Variants in NCAPH observed in about 807,000 individuals in gnomAD.
NCAPH encodes condensin complex subunit 2.
In NCAPH, 38 loss-of-function variants were observed where a neutral mutation model predicts 85.5. That is an observed-to-expected ratio of 0.44 (90% confidence interval 0.34 to 0.58). The LOEUF is 0.58. NCAPH is among the 20% of genes least tolerant of loss of function. The pLI, the probability that NCAPH is intolerant of heterozygous loss-of-function variation, is 0.01. For missense variants in NCAPH, 789 were observed against 916.6 expected (o/e 0.86, Z 1.80); for synonymous variants, 301 against 335.1 (o/e 0.90, Z 1.11).
At chr2:96,343,128 G>A in intron 4 of NCAPH, 38 bp from the exon 5 acceptor site, 1 of 1,602,504 alleles carries the variant, frequency 6.2e-7, no homozygotes, top group Non-Finnish European at 8.5e-7. Flanking sequence ...GTTGTTTTTT[G>A]TGTATCTTTG....
At chr2:96,367,465 C>G (rs1403771286) in intron 15 of NCAPH, 92 bp downstream of exon 15, 4 of 841,256 alleles carry the variant, frequency 4.8e-6, no homozygotes, top group Non-Finnish European at 7.8e-6. Flanking sequence ...TTGGGCAATG[C>G]CTCCAATACA....
intron 17 of NCAPH, 81 bp downstream of exon 17, chr2:96,369,581 A>T: frequency 3.6e-6 from 5 of 1,371,320 alleles, no homozygotes; most frequent in Non-Finnish European, 5.2e-6. Context: ...TTGATCTTTC[A>T]TGGGCTAACA....
chr2:96,353,596 G>A (rs1217141088), intron 8 of NCAPH, among the ~76,000 whole-genome samples, 199 bp downstream of exon 8: 2 of 152,206 alleles, frequency 1.3e-5, no homozygotes, highest in African/African-American at 4.8e-5. Context: ...CTAGAGGTAA[G>A]TGAGTTCCAG....
intron 6 of NCAPH, among the ~76,000 whole-genome samples, chr2:96,350,033 G>C (rs2064416918): frequency 6.6e-6 from 1 of 152,240 alleles, no homozygotes; most frequent in Non-Finnish European, 1.5e-5. Flanking sequence ...AGCACAGGAA[G>C]GTTCTGATTA....
intron 16 of NCAPH, 50 bp from the exon 17 acceptor site, chr2:96,369,375 T>G (rs1438055984): frequency 6.7e-7 from 1 of 1,496,038 alleles, no homozygotes; most frequent in East Asian, 2.3e-5. Context: ...TGAACGAGCT[T>G]TTGTTCTAAC....
At chr2:96,342,722 A>C (rs766519886) in intron 3 of NCAPH, 34 bp from the exon 4 acceptor site, 34 of 1,539,406 alleles carry the variant, frequency 2.2e-5, no homozygotes, top group Non-Finnish European at 2.7e-5. Context: ...CTAGGCTATA[A>C]ATAACAATCC....
intron 3 of NCAPH, 71 bp from the exon 4 acceptor site, chr2:96,342,685 G>T (rs2064311983): frequency 2.4e-6 from 3 of 1,260,952 alleles, no homozygotes; most frequent in Non-Finnish European, 2.3e-6. Flanking sequence ...AGCTTCCTCT[G>T]TTAAAAGCAG....
At chr2:96,343,102 T>C in intron 4 of NCAPH, 64 bp from the exon 5 acceptor site, 1 of 1,594,686 alleles carries the variant, frequency 6.3e-7, no homozygotes, top group Non-Finnish European at 8.6e-7. Context: ...GCTTGCTGTG[T>C]TTTACCTGTT....
In NCAPH at chr2:96,373,504, C is replaced by A; in HGVS notation, c.*153C>A. 1 of 697,280 alleles carries A rather than the reference C, an allele frequency of 1.4e-6. No individual in the cohort carries two copies. Among genetic ancestry groups the A allele is most frequent in the Non-Finnish European group, 2.5e-6 (1 of 406,144 alleles). 43.2% of individuals were successfully genotyped at this position (697,280 alleles called of 1,614,324 possible). A position where few individuals can be genotyped will look rare whatever the true frequency, so the allele number is the denominator to read the frequency against. ...TTGTTTGTTGCTCTTTCCTTCTCTC[C>A]ATCATAGTCTGGGTGCCAGCGCCCT... On this transcript the variant is annotated 3_prime_UTR_variant, in exon 18 of 18. Transcript: ENST00000240423.
intron 8 of NCAPH, 44 bp from the exon 9 acceptor site, chr2:96,354,139 G>C: frequency 6.3e-7 from 1 of 1,577,188 alleles, no homozygotes; most frequent in Non-Finnish European, 8.7e-7. Flanking sequence ...GATTTGGGGT[G>C]GTTATAGGAA....
intron 15 of NCAPH, among the ~76,000 whole-genome samples, chr2:96,368,673 A>G (rs969203322): frequency 6.6e-6 from 1 of 151,916 alleles, no homozygotes; most frequent in Non-Finnish European, 1.5e-5. Context: ...AAACAAACAA[A>G]CATGGCTTTT....
At chr2:96,368,835 T>C (rs764623638) in intron 15 of NCAPH, 137 bp from the exon 16 acceptor site, 9 of 716,080 alleles carry the variant, frequency 1.3e-5, no homozygotes, top group Non-Finnish European at 6.7e-6. Context: ...TTGTAGATCC[T>C]TTTTCTTCAA....
rs1434957327 is a variant in NCAPH, at chr2:96,376,527, G to T, written c.*3176G>T. On this transcript the variant is annotated 3_prime_UTR_variant, in exon 18 of 18. Coordinates refer to ENST00000240423, the MANE Select transcript of NCAPH (RefSeq NM_015341.5). Reference sequence around the variant, plus strand: ...TGATCCCCCTGGGGAGCAAAAGGCTGCAGGTAACACTTTGGTGCCCTAGAA... The same window carrying T: ...TGATCCCCCTGGGGAGCAAAAGGCTTCAGGTAACACTTTGGTGCCCTAGAA... 2.6e-5 allele frequency among the ~76,000 whole-genome samples: 4 copies of T among 152,214 alleles called. No individual in the cohort carries two copies. Among genetic ancestry groups the T allele is most frequent in the Non-Finnish European group, 4.4e-5 (3 of 68,038 alleles).
intron 12 of NCAPH, among the ~76,000 whole-genome samples, chr2:96,362,658 T>C (rs1157973789): frequency 6.6e-6 from 1 of 152,130 alleles, no homozygotes; most frequent in African/African-American, 2.4e-5. Context: ...AGGAAGTCAT[T>C]GCAGATGTGG....
At chr2:96,372,677 C>T (rs2064789571) in intron 17 of NCAPH, among the ~76,000 whole-genome samples, 1 of 152,146 alleles carries the variant, frequency 6.6e-6, no homozygotes, top group African/African-American at 2.4e-5. Flanking sequence ...CATCTCAGTT[C>T]CCAGGTCAAC....
chr2:96,360,522 A>G (rs565253619), intron 11 of NCAPH, 66 bp from the exon 12 acceptor site: 1 of 1,580,852 alleles, frequency 6.3e-7, no homozygotes, highest in African/African-American at 1.4e-5. Context: ...AGACTGCTTT[A>G]AAAAAAGTAA....
intron 5 of NCAPH, among the ~76,000 whole-genome samples, chr2:96,343,721 A>T (rs1224340561): frequency 7.6e-5 from 11 of 145,532 alleles, no homozygotes; most frequent in African/African-American, 2.5e-4. Context: ...TTTTTTTTTG[A>T]AACGAGGCTC....
At chr2:96,361,749 G>GATATATAT (rs142082869) in intron 12 of NCAPH, among the ~76,000 whole-genome samples, 13 of 95,180 alleles carry the variant, frequency 1.4e-4, no homozygotes, top group African/African-American at 4.0e-4. Context: ...AGATTTTAAT[G>GATATATAT]ATATATATAT....
At chr2:96,356,320 G>A (rs181437113) in intron 9 of NCAPH, among the ~76,000 whole-genome samples, 22 of 152,184 alleles carry the variant, frequency 1.4e-4, no homozygotes, top group Admixed American at 1.2e-3. Flanking sequence ...TGATCTTGCC[G>A]TTACTAGCCC....
Sources: allele counts gnomAD v4.1 joint callset (sites outside exome capture counted in the v4.1 genomes callset), GRCh38; gene constraint gnomAD v4.1.1; transcripts MANE v1.5; gene names NCBI Gene and HGNC (gene_info 2026-07-23, HGNC 2026-07-21).